GALNT2: variants seen among roughly 807,000 people sequenced by gnomAD.
GALNT2 encodes polypeptide N-acetylgalactosaminyltransferase 2.
A neutral mutation model predicts 81.4 loss-of-function variants in GALNT2; 31 were observed. That is an observed-to-expected ratio of 0.38 (90% CI 0.29 to 0.51). GALNT2 has a LOEUF of 0.51. GALNT2 is among the 20% of genes least tolerant of loss of function. The probability of loss-of-function intolerance (pLI) is 0.87; values close to 1 mark genes in which losing one functional copy is unlikely to be tolerated. For synonymous variants in GALNT2, 303 were observed against 287.4 expected (o/e 1.05, Z -0.55); for missense variants, 629 against 765.7 (o/e 0.82, Z 2.11).
chr1:230,170,402 T>G (rs1277425847), intron 1 of GALNT2, among the ~76,000 whole-genome samples: 1 of 152,250 alleles, frequency 6.6e-6, no homozygotes, highest in Non-Finnish European at 1.5e-5. Flanking sequence ...TACCACTCTT[T>G]CTTGTAAACC....
intron 3 of GALNT2, among the ~76,000 whole-genome samples, chr1:230,223,808 C>A (rs1664626681): frequency 6.6e-6 from 1 of 152,206 alleles, no homozygotes; most frequent in South Asian, 2.1e-4. Context: ...CAAAACAGAG[C>A]AATTCAGTGT....
Position 230,275,119 on chromosome 1 carries a change from C to CAT in GALNT2, c.1560+563_1560+564dup, listed in dbSNP as rs1311554723. On this transcript the variant is annotated intron_variant, in intron 15 of 15. Transcript: ENST00000366672. This position sits in a 1 kb window ranked among gnomAD's most constrained non-coding sequence, Gnocchi z 5.5. ...CATGTATACACACCACATATATATA[C>CAT]ATATATATACACACCACATATACAT... Among the ~76,000 whole-genome samples the CAT allele has an allele frequency of 6.7e-6, 1 of 150,324 alleles. No homozygotes were observed. Among genetic ancestry groups the CAT allele is most frequent in the African/African-American group, 2.5e-5 (1 of 40,758 alleles).
At chr1:230,123,839 T>C (rs1661095079) in intron 1 of GALNT2, among the ~76,000 whole-genome samples, 1 of 152,250 alleles carries the variant, frequency 6.6e-6, no homozygotes, top group South Asian at 2.1e-4. Flanking sequence ...TCTCTCAGCA[T>C]GCGTGGTTTT....
chr1:230,135,975 G>A (rs555978348), intron 1 of GALNT2, among the ~76,000 whole-genome samples: 1 of 152,188 alleles, frequency 6.6e-6, no homozygotes, highest in East Asian at 1.9e-4. Flanking sequence ...TTACAGGCGT[G>A]AGCTGCTGTA....
chr1:230,243,488 G>C lies in GALNT2; in HGVS notation c.729+61G>C. On this transcript the variant is annotated intron_variant, in intron 7 of 15. Transcript: ENST00000366672. This position sits in a 1 kb window ranked among gnomAD's most constrained non-coding sequence, Gnocchi z 4.2. ...TGGGTGGTTGGTAGAGGGGACAGAAGGGAGCATGGTCCAGGGGAGGTGTAA... is the reference window on the plus strand; with the variant it reads ...TGGGTGGTTGGTAGAGGGGACAGAACGGAGCATGGTCCAGGGGAGGTGTAA... 6.3e-7 allele frequency: 1 copy of C among 1,593,890 alleles called. No homozygotes were observed. Among genetic ancestry groups the C allele is most frequent in the East Asian group, 2.3e-5 (1 of 44,380 alleles).
intron 3 of GALNT2, among the ~76,000 whole-genome samples, chr1:230,216,395 G>C (rs1664390884): frequency 6.6e-6 from 1 of 152,126 alleles, no homozygotes; most frequent in Non-Finnish European, 1.5e-5. Flanking sequence ...TCAGTTTATG[G>C]TACATTCATT....
intron 3 of GALNT2, among the ~76,000 whole-genome samples, chr1:230,212,110 C>T (rs940593304): frequency 2.6e-5 from 4 of 152,150 alleles, no homozygotes; most frequent in African/African-American, 4.8e-5. Context: ...GAAGTTTTAT[C>T]ACTTGTCTAT....
At chr1:230,099,681 T>A (rs1660346900) in intron 1 of GALNT2, among the ~76,000 whole-genome samples, 2 of 152,254 alleles carry the variant, frequency 1.3e-5, no homozygotes, top group East Asian at 3.8e-4. Context: ...ATTTTGGCTT[T>A]GGTTCCTGGA....
chr1:230,117,484 C>T (rs1660880895), intron 1 of GALNT2, among the ~76,000 whole-genome samples: 3 of 152,206 alleles, frequency 2.0e-5, no homozygotes, highest in East Asian at 1.9e-4. Flanking sequence ...ATGTGCCGCT[C>T]CTCCTTTCAC....
chr1:230,262,385 G>T, intron 11 of GALNT2, 188 bp from the exon 12 acceptor site: 2 of 566,458 alleles, frequency 3.5e-6, no homozygotes, highest in Non-Finnish European at 3.1e-6. Flanking sequence ...GCTGAGGCTG[G>T]CTCCCCACAG....
intron 1 of GALNT2, among the ~76,000 whole-genome samples, chr1:230,121,785 A>C (rs183541034): frequency 6.6e-6 from 1 of 152,196 alleles, no homozygotes; most frequent in East Asian, 1.9e-4. Context: ...CATAGATCCC[A>C]AAAAGGGGAC....
Position 230,168,274 on chromosome 1 carries a change from G to C in GALNT2, c.127-9944G>C, listed in dbSNP as rs567078308. Among the ~76,000 whole-genome samples the C allele has an allele frequency of 2.0e-5, 3 of 152,348 alleles. No individual in the cohort carries two copies. The East Asian group carries it at 5.8e-4, about 29-fold the overall frequency. ...CAGGAATGGGAAGTTATCACCAGGA[G>C]CTAAGAGCTGACCTGCTTCATAAAC... On this transcript the variant is annotated intron_variant, in intron 1 of 15. Transcript: ENST00000366672.
chr1:230,167,001 G>A (rs1256119855), intron 1 of GALNT2, among the ~76,000 whole-genome samples: 1 of 152,128 alleles, frequency 6.6e-6, no homozygotes, highest in East Asian at 1.9e-4. Flanking sequence ...TTTGTGATGA[G>A]ATAAGTCAGG....
Position 230,127,577 on chromosome 1 carries a change from T to G in GALNT2, c.127-50641T>G, listed in dbSNP as rs753597571. Among the ~76,000 whole-genome samples the G allele has an allele frequency of 4.1e-4, 62 of 152,036 alleles. 1 individual carries two copies. The highest frequency in any genetic ancestry group is 2.4e-4 in the Non-Finnish European group (16 of 68,010). ...TTTTCGTAGAGGCAGGGTTTCACCA[T>G]GTTAGCCAGGATGGTTTCGATCTCT... On this transcript the variant is annotated intron_variant, in intron 1 of 15. Transcript: ENST00000366672.
intron 7 of GALNT2, among the ~76,000 whole-genome samples, chr1:230,244,119 TGAAAG>T (rs907298400): frequency 1.1e-4 from 16 of 151,936 alleles, no homozygotes; most frequent in Non-Finnish European, 1.9e-4. Context: ...GCAAACTTAA[TGAAAG>T]GAAATAGAAA....
chr1:230,078,661 T>C (rs1489038893), intron 1 of GALNT2, among the ~76,000 whole-genome samples: 1 of 152,208 alleles, frequency 6.6e-6, no homozygotes, highest in Non-Finnish European at 1.5e-5. Flanking sequence ...CTACATTCTT[T>C]GGAAATTGCT....
At chr1:230,106,227 G>A (rs1444361332) in intron 1 of GALNT2, among the ~76,000 whole-genome samples, 2 of 152,202 alleles carry the variant, frequency 1.3e-5, no homozygotes, top group Admixed American at 6.5e-5. Flanking sequence ...TGAGCAGCAA[G>A]TTGATCTCTC....
At chr1:230,234,230 A>G (rs1220437706) in intron 3 of GALNT2, among the ~76,000 whole-genome samples, 3 of 152,148 alleles carry the variant, frequency 2.0e-5, no homozygotes, top group Non-Finnish European at 4.4e-5. Flanking sequence ...TCAGTCAGAT[A>G]AGAGAACTTG....
intron 1 of GALNT2, among the ~76,000 whole-genome samples, chr1:230,104,210 G>A (rs904257312): frequency 6.6e-6 from 1 of 152,178 alleles, no homozygotes; most frequent in Non-Finnish European, 1.5e-5. Context: ...GAGGCAGGGA[G>A]GTTGGCTCTG....
Sources: allele counts gnomAD v4.1 joint callset (sites outside exome capture counted in the v4.1 genomes callset), GRCh38; gene constraint gnomAD v4.1.1; non-coding constraint Gnocchi (gnomAD v3.1); transcripts MANE v1.5; gene names NCBI Gene and HGNC (gene_info 2026-07-23, HGNC 2026-07-21).